The following QKI variants were observed in gnomAD, a reference collection of about 807,000 sequenced individuals.
QKI encodes the protein KH domain-containing RNA-binding protein QKI.
In QKI, 10 loss-of-function variants were observed where a neutral mutation model predicts 39.0. That is an observed-to-expected ratio of 0.26 (90% CI 0.16 to 0.43). The LOEUF (loss-of-function observed/expected upper bound fraction) is 0.43. Among genes scored for constraint, QKI ranks in the 20% least tolerant of loss-of-function variants. The pLI, the probability that QKI is intolerant of heterozygous loss-of-function variation, is 1.00. For synonymous variants in QKI, 204 were observed against 155.4 expected, an observed-to-expected ratio of 1.31 and a Z score of -2.33; for missense variants, 218 against 428.0, an observed-to-expected ratio of 0.51 and a Z score of 4.33.
At chr6:163,535,429 C>G (rs1188634706) in intron 4 of QKI, among the ~76,000 whole-genome samples, 1 of 152,012 alleles carries the variant, frequency 6.6e-6, no homozygotes, top group Non-Finnish European at 1.5e-5. Flanking sequence ...CTTCCCCCAT[C>G]TCTTCCCTCT....
chr6:163,471,067 A>G (rs886403442), intron 2 of QKI, among the ~76,000 whole-genome samples: 8 of 152,158 alleles, frequency 5.3e-5, no homozygotes, highest in Non-Finnish European at 1.2e-4. Context: ...GATAAACATG[A>G]TAAAGGAGAC....
At chr6:163,428,443 A>C (rs1406283431) in intron 1 of QKI, among the ~76,000 whole-genome samples, 1 of 152,228 alleles carries the variant, frequency 6.6e-6, no homozygotes, top group Non-Finnish European at 1.5e-5. Flanking sequence ...AAAATAAATC[A>C]GAAGAAAATG....
In QKI at chr6:163,423,722, G is replaced by A. The variant is rs371126112; in HGVS notation, c.142+8387G>A. On this transcript the variant is annotated intron_variant, in intron 1 of 7. Coordinates refer to ENST00000361752, the MANE Select transcript of QKI (RefSeq NM_006775.3). Reference sequence around the variant, plus strand: ...TTTCTAATTAAGAGGCTAAAAGTGAGAAAGCCATTTTTAGAGGATTTCAGC... The same window carrying A: ...TTTCTAATTAAGAGGCTAAAAGTGAAAAAGCCATTTTTAGAGGATTTCAGC... 6 of 152,332 alleles carry A rather than the reference G, an allele frequency of 3.9e-5. No individual in the cohort carries two copies. The South Asian group carries it at 1.2e-3, about 32-fold the overall frequency. 9.4% of individuals were successfully genotyped at this position (152,332 alleles called of 1,614,324 possible).
At chr6:163,507,695 C>T (rs945059332) in intron 3 of QKI, among the ~76,000 whole-genome samples, 4 of 152,058 alleles carry the variant, frequency 2.6e-5, no homozygotes, top group Admixed American at 1.3e-4. Context: ...AGTGTGCAGC[C>T]CTCAATTGAA....
chr6:163,437,778 G>C (rs1789429424), intron 1 of QKI, among the ~76,000 whole-genome samples: 1 of 152,080 alleles, frequency 6.6e-6, no homozygotes, highest in Non-Finnish European at 1.5e-5. Context: ...CCAAACTTGT[G>C]TCAATATGTA....
At chr6:163,519,792 A>G (rs1007507757) in intron 3 of QKI, among the ~76,000 whole-genome samples, 1 of 152,090 alleles carries the variant, frequency 6.6e-6, no homozygotes, top group South Asian at 2.1e-4. Flanking sequence ...CTTTTTAAGC[A>G]TTATAGTTAT....
At chr6:163,511,711 A>G (rs948031160) in intron 3 of QKI, among the ~76,000 whole-genome samples, 2 of 152,018 alleles carry the variant, frequency 1.3e-5, no homozygotes, top group African/African-American at 4.8e-5. Context: ...AAATTATTCC[A>G]CCAAGACAAT....
At chr6:163,415,856 T>G in intron 1 of QKI, 1 of 496,792 alleles carries the variant, frequency 2.0e-6, no homozygotes, top group South Asian at 1.5e-5. Flanking sequence ...CGGGGTTTCG[T>G]GGTTGGGGAG....
chr6:163,565,785 A>G, intron 6 of QKI: 1 of 1,315,834 alleles, frequency 7.6e-7, no homozygotes, highest in Non-Finnish European at 9.8e-7. Context: ...CACAGATAAC[A>G]TGCATGCTAT....
chr6:163,494,509 A>G (rs992390884), intron 3 of QKI, among the ~76,000 whole-genome samples: 1 of 152,238 alleles, frequency 6.6e-6, no homozygotes. Context: ...ACACGCACAC[A>G]GTGGCAATAA....
At position 163,571,311 on chromosome 6, in the gene QKI, A is replaced by G. The variant is rs890886548; in HGVS notation, c.*601A>G. 2.0e-5 allele frequency: 3 copies of G among 152,244 alleles called. No individual in the cohort carries two copies. The highest frequency in any genetic ancestry group is 2.0e-4 in the Admixed American group (3 of 15,286). 9.4% of individuals were successfully genotyped at this position (152,244 alleles called of 1,614,324 possible). A position where few individuals can be genotyped will look rare whatever the true frequency, so the allele number is the denominator to read the frequency against. On this transcript the variant is annotated 3_prime_UTR_variant, in exon 8 of 8. Coordinates refer to ENST00000361752, the MANE Select transcript of QKI (RefSeq NM_006775.3). Reference sequence around the variant, plus strand: ...TATATTGCCTGCCAAAATTTGAAGTATTAGAAGAAAGTGTGCCATGAGAGA... The same window carrying G: ...TATATTGCCTGCCAAAATTTGAAGTGTTAGAAGAAAGTGTGCCATGAGAGA...
In QKI at chr6:163,565,175, T is replaced by C. The variant is rs1035580743; in HGVS notation, c.934+1456T>C. ...GAGGCTTGTGTCTGTTGCACATTTCTTGAAGCATTTTTAAAATAACATGTA... is the reference window on the plus strand; with the variant it reads ...GAGGCTTGTGTCTGTTGCACATTTCCTGAAGCATTTTTAAAATAACATGTA... On this transcript the variant is annotated intron_variant, in intron 6 of 7. Transcript: ENST00000361752. 9.1e-6 allele frequency: 9 copies of C among 991,244 alleles called. No individual in the cohort carries two copies. The Admixed American group carries it at 2.3e-4, about 25-fold the overall frequency. 61.4% of individuals were successfully genotyped at this position (991,244 alleles called of 1,614,324 possible).
At chr6:163,553,346 A>G (rs1358751867) in intron 4 of QKI, among the ~76,000 whole-genome samples, 3 of 151,878 alleles carry the variant, frequency 2.0e-5, no homozygotes, top group Admixed American at 6.6e-5. Flanking sequence ...CAAGTGATCC[A>G]CCCACCTGGC....
At chr6:163,544,075 G>A (rs1781714727) in intron 4 of QKI, among the ~76,000 whole-genome samples, 1 of 151,958 alleles carries the variant, frequency 6.6e-6, no homozygotes, top group Non-Finnish European at 1.5e-5. Context: ...TTTATAAACT[G>A]GATTATTCAG....
rs546786238 is a variant in QKI at position 163,527,382 on chromosome 6, A to G, written c.403-7600A>G. On this transcript the variant is annotated intron_variant, in intron 3 of 7. Transcript: ENST00000361752. Reference sequence around the variant, plus strand: ...TTGTCTTAAAATGTATATATTCACAATACGCCTGTTATTGGAACCTTGGTT... The same window carrying G: ...TTGTCTTAAAATGTATATATTCACAGTACGCCTGTTATTGGAACCTTGGTT... Among the ~76,000 whole-genome samples the G allele has an allele frequency of 4.6e-5, 7 of 152,274 alleles. No individual in the cohort carries two copies. In the East Asian group the frequency reaches 7.7e-4, roughly 17 times the overall value.
At chr6:163,445,248 C>G (rs190883807) in intron 1 of QKI, among the ~76,000 whole-genome samples, 1 of 151,176 alleles carries the variant, frequency 6.6e-6, no homozygotes, top group African/African-American at 2.4e-5. Flanking sequence ...AGTGCTATCA[C>G]TAATCTGCAA....
At chr6:163,526,958 A>G (rs1291169506) in intron 3 of QKI, among the ~76,000 whole-genome samples, 1 of 152,200 alleles carries the variant, frequency 6.6e-6, no homozygotes, top group Non-Finnish European at 1.5e-5. Context: ...TCTGTAGGAG[A>G]TAGATGTTAC....
At chr6:163,489,880 TTGAGAAAGGTGTACCCTG>T (rs1402899826) in intron 3 of QKI, among the ~76,000 whole-genome samples, 4 of 152,170 alleles carry the variant, frequency 2.6e-5, no homozygotes, top group Non-Finnish European at 5.9e-5. Context: ...GAATTCTTAG[TTGAGAAAGGTGTACCCTG>T]TGAGAAATGG....
At chr6:163,477,488 A>G (rs1483204812) in intron 2 of QKI, among the ~76,000 whole-genome samples, 1 of 152,196 alleles carries the variant, frequency 6.6e-6, no homozygotes, top group African/African-American at 2.4e-5. Context: ...CTTTGTTAAA[A>G]TGGATCATGG....
Sources: gnomAD v4.1 joint callset for allele counts (sites outside exome capture counted in the v4.1 genomes callset) on GRCh38, gnomAD v4.1.1 for gene constraint, MANE v1.5 for transcripts, NCBI Gene and HGNC (gene_info 2026-07-23, HGNC 2026-07-21) for gene names.